The following TTLL5 variants were observed in gnomAD, a reference collection of about 807,000 sequenced individuals.
TTLL5 encodes tubulin tyrosine ligase like 5, also known as tubulin polyglutamylase TTLL5.
TTLL5 carries 132 observed loss-of-function variants against 168.4 expected under a neutral mutation model. That is an observed-to-expected ratio of 0.78 (90% confidence interval 0.68 to 0.91). TTLL5 has a LOEUF of 0.91. Ranked by LOEUF, TTLL5 falls within the 40% of genes least tolerant of loss-of-function variation. The pLI is 0.00. For missense variants in TTLL5, 1,545 were observed against 1,581.5 expected (o/e 0.98, Z 0.39); for synonymous variants, 546 against 558.6 (o/e 0.98, Z 0.32).
chr14:75,689,661 A>G (rs1160989737), intron 5 of TTLL5: 1 of 154,658 alleles, frequency 6.5e-6, no homozygotes, highest in Non-Finnish European at 1.4e-5. Flanking sequence ...AAGAAAAGGG[A>G]CAGAATACTG....
intron 31 of TTLL5, among the ~76,000 whole-genome samples, chr14:75,932,235 G>A (rs535747412): frequency 7.7e-4 from 117 of 152,148 alleles, no homozygotes; most frequent in Non-Finnish European, 1.5e-3. Flanking sequence ...TCTGATATTC[G>A]GAGGCTATTC....
rs768330018 is a variant in TTLL5, at chr14:75,683,604, C to A, written c.319C>A (p.Pro107Thr). Residue 107 changes from proline to threonine, a missense_variant, in exon 5 of 32, where the codon CCC becomes ACC. Coordinates refer to ENST00000298832, the MANE Select transcript of TTLL5 (RefSeq NM_015072.5). ...NLMWTGSHLK[P>T]FLLRTLSEAQ... is the part of the protein sequence containing the mutation. ...AATGTGGACAGGATCCCACCTGAAG[C>A]CCTTCTTACTGCGCACCCTCTCTGA... The A allele has an allele frequency of 1.9e-6, 3 of 1,614,044 alleles. No individual in the cohort carries two copies. Among genetic ancestry groups the A allele is most frequent in the Non-Finnish European group, 2.5e-6 (3 of 1,179,932 alleles).
intron 18 of TTLL5, among the ~76,000 whole-genome samples, chr14:75,761,210 ATAT>A (rs918812852): frequency 1.3e-5 from 2 of 152,216 alleles, no homozygotes; most frequent in Non-Finnish European, 2.9e-5. Context: ...AGAATGGCAG[ATAT>A]TATACTGACA....
rs553604848 is a variant in TTLL5 at position 75,902,088 on chromosome 14, C to G, written c.3741-54C>G. On this transcript the variant is annotated intron_variant, in intron 30 of 31. Transcript: ENST00000298832. ...AGAAGCGAAGCCATCAGAGGTCCTG[C>G]ACCTGACCTCACCTTTCCGCCTGCA... The G allele has an allele frequency of 1.0e-3, 1,592 of 1,517,646 alleles. 27 individuals are homozygous for G. The South Asian group carries it at 0.016, about 16-fold the overall frequency. The allele number at this position is 1,517,646 out of a possible 1,614,324, so 94.0% of individuals were successfully genotyped here.
At chr14:75,847,312 T>C (rs1212006566) in intron 28 of TTLL5, among the ~76,000 whole-genome samples, 1 of 152,042 alleles carries the variant, frequency 6.6e-6, no homozygotes, top group Non-Finnish European at 1.5e-5. Context: ...TGTATTTCTT[T>C]TTTTTATCAC....
At chr14:75,723,114 G>T (rs958854207) in intron 12 of TTLL5, among the ~76,000 whole-genome samples, 2 of 151,994 alleles carry the variant, frequency 1.3e-5, no homozygotes, top group African/African-American at 4.8e-5. Context: ...CCCCCACCAT[G>T]CATGGCAGCA....
intron 6 of TTLL5, among the ~76,000 whole-genome samples, chr14:75,694,572 G>A (rs377740535): frequency 3.3e-5 from 5 of 152,236 alleles, no homozygotes; most frequent in South Asian, 2.1e-4. Flanking sequence ...GACCTCAGGT[G>A]ATCCGCCCAC....
intron 31 of TTLL5, chr14:75,930,720 G>A (rs540161337): frequency 1.5e-5 from 12 of 794,264 alleles, no homozygotes; most frequent in East Asian, 1.3e-4. Flanking sequence ...AGAAAGAAGC[G>A]ATTTCACCTG....
At chr14:75,753,180 T>C (rs1566588768) in intron 18 of TTLL5, among the ~76,000 whole-genome samples, 1 of 152,214 alleles carries the variant, frequency 6.6e-6, no homozygotes. Flanking sequence ...ATAAAGATCT[T>C]TGAGCAATTT....
intron 6 of TTLL5, among the ~76,000 whole-genome samples, chr14:75,693,454 G>C (rs988922901): frequency 4.6e-5 from 7 of 152,208 alleles, no homozygotes; most frequent in Admixed American, 3.9e-4. Context: ...ATAGCCTAGA[G>C]ACTAATCACT....
chr14:75,730,687 A>C (rs1366285415), intron 12 of TTLL5, among the ~76,000 whole-genome samples: 1 of 151,990 alleles, frequency 6.6e-6, no homozygotes, highest in African/African-American at 2.4e-5. Flanking sequence ...GATTTCCCCA[A>C]GTTCCACAGT....
intron 29 of TTLL5, 126 bp from the exon 30 acceptor site, chr14:75,882,559 T>G (rs1432265159): frequency 1.4e-5 from 12 of 855,430 alleles, no homozygotes; most frequent in Non-Finnish European, 2.1e-5. Context: ...AAGTTTTTCC[T>G]TAAAAAAAAA....
intron 31 of TTLL5, among the ~76,000 whole-genome samples, chr14:75,946,918 G>C (rs2140209553): frequency 1.3e-5 from 2 of 152,344 alleles, no homozygotes; most frequent in South Asian, 4.1e-4. Flanking sequence ...CTCATGCCTG[G>C]AGGGAGGGAT....
intron 12 of TTLL5, among the ~76,000 whole-genome samples, chr14:75,730,097 T>C (rs1421850959): frequency 6.6e-6 from 1 of 152,256 alleles, no homozygotes; most frequent in South Asian, 2.1e-4. Flanking sequence ...TATGAAACAG[T>C]TGAATCCTGT....
At chr14:75,938,142 AT>A (rs2031965716) in intron 31 of TTLL5, among the ~76,000 whole-genome samples, 1 of 152,264 alleles carries the variant, frequency 6.6e-6, no homozygotes, top group African/African-American at 2.4e-5. Flanking sequence ...AATTAGCATC[AT>A]GGATGAGTGG....
At position 75,805,511 on chromosome 14, in the gene TTLL5, A is replaced by G. The variant is rs576889715; in HGVS notation, c.3171+12411A>G. On this transcript the variant is annotated intron_variant, in intron 27 of 31. Transcript: ENST00000298832. ...TTTCCTCTCCATACTTTCCCCTGGGATAAAGTTCCTTTTCCTGTGATTTCA... is the reference window on the plus strand; with the variant it reads ...TTTCCTCTCCATACTTTCCCCTGGGGTAAAGTTCCTTTTCCTGTGATTTCA... Among the ~76,000 whole-genome samples the G allele has an allele frequency of 3.3e-5, 5 of 152,218 alleles. No homozygotes were observed. In the East Asian group the frequency reaches 5.8e-4, roughly 18 times the overall value.
Position 75,882,940 on chromosome 14 carries a change from C to T in TTLL5, c.3740+38C>T, listed in dbSNP as rs1011532399. 15 of 1,593,386 alleles carry T rather than the reference C, an allele frequency of 9.4e-6. No individual in the cohort carries two copies. In the African/African-American group the frequency reaches 1.8e-4, roughly 19 times the overall value. On this transcript the variant is annotated intron_variant, in intron 30 of 31. Transcript: ENST00000298832. ...CTGTTCAATTTCTACTGAGTTTTAT[C>T]AGTTCTAAGCTAATAGTACTCTTTA...
chr14:75,828,007 G>A (rs1895324866), intron 28 of TTLL5, among the ~76,000 whole-genome samples: 3 of 152,042 alleles, frequency 2.0e-5, no homozygotes, highest in African/African-American at 7.2e-5. Flanking sequence ...GTGAGCCACT[G>A]TGCCCGACCT....
rs1260919570 is a variant in TTLL5, at chr14:75,734,016, A to G, written c.1152A>G (p.Lys384=). The G allele has an allele frequency of 6.2e-7, 1 of 1,613,960 alleles. No individual in the cohort carries two copies. The highest frequency in any genetic ancestry group is 1.3e-5 in the African/African-American group (1 of 74,914). Reference sequence around the variant, plus strand: ...ATGCGCCTCTGGACCTAAAGATTAAAGCCAGTATGATTTCAGATATGTTCA... The same window carrying G: ...ATGCGCCTCTGGACCTAAAGATTAAGGCCAGTATGATTTCAGATATGTTCA... ...ACDAPLDLKI[K]ASMISDMFTV... is the part of the protein sequence containing the mutation. The change falls in exon 14 of 32, where the codon AAA becomes AAG. Residue 384 remains lysine, a synonymous_variant. Transcript: ENST00000298832.
Sources: allele counts gnomAD v4.1 joint callset (sites outside exome capture counted in the v4.1 genomes callset), GRCh38; gene constraint gnomAD v4.1.1; transcripts MANE v1.5; gene names NCBI Gene and HGNC (gene_info 2026-07-23, HGNC 2026-07-21).